The following RHOBTB2 variants were observed in gnomAD, a reference collection of about 807,000 sequenced individuals.
The protein encoded by RHOBTB2 is rho-related BTB domain-containing protein 2.
RHOBTB2 carries 39 observed loss-of-function variants against 66.5 expected under a neutral mutation model. The observed-to-expected ratio is 0.59, with a 90% CI of 0.45 to 0.77. The LOEUF (loss-of-function observed/expected upper bound fraction) is 0.77, where lower values mean the gene tolerates loss of function less well. Among genes scored for constraint, RHOBTB2 ranks in the 30% least tolerant of loss-of-function variants. The pLI is 0.00. For missense variants in RHOBTB2, 755 were observed against 999.1 expected, an observed-to-expected ratio of 0.76 and a Z score of 3.29; for synonymous variants, 390 against 395.0, an observed-to-expected ratio of 0.99 and a Z score of 0.15.
At chr8:23,007,901 T>A (rs896165019) in intron 5 of RHOBTB2, 92 bp from the exon 6 acceptor site, 3 of 1,485,288 alleles carry the variant, frequency 2.0e-6, no homozygotes, top group Non-Finnish European at 2.8e-6. Context: ...GCCCCGAATC[T>A]TCTGGGTTCA....
chr8:22,995,918 C>T (rs370771020), upstream of RHOBTB2: 182 of 1,546,848 alleles, frequency 1.2e-4, no homozygotes, highest in Non-Finnish European at 1.5e-4. Flanking sequence ...GGTAAAGCTG[C>T]CTGTGAAGCA....
At chr8:22,973,165 C>T in the RHOBTB2 span, among the ~76,000 whole-genome samples, 1 of 152,202 alleles carries the variant, frequency 6.6e-6, no homozygotes, top group Non-Finnish European at 1.5e-5. Flanking sequence ...CCTGTGCTCA[C>T]CTCTCCTGGC....
chr8:22,971,059 T>C, the RHOBTB2 span, among the ~76,000 whole-genome samples: 1 of 152,184 alleles, frequency 6.6e-6, no homozygotes, highest in Non-Finnish European at 1.5e-5. Context: ...ATCCTCCATC[T>C]TCCTCCCAAC....
At position 23,007,154 on chromosome 8, in the gene RHOBTB2, G is replaced by T. The variant is rs754324313; in HGVS notation, c.909G>T (p.Gly303=). 6.2e-7 allele frequency: 1 copy of T among 1,606,360 alleles called. No individual in the cohort carries two copies. Among genetic ancestry groups the T allele is most frequent in the Admixed American group, 1.7e-5 (1 of 59,912 alleles). Residue 303 remains glycine, a synonymous_variant, in exon 5 of 10, where the codon GGG becomes GGT. Coordinates refer to ENST00000251822, the MANE Select transcript of RHOBTB2 (RefSeq NM_015178.3). ...TGTTCCTCATGGACCTGAGTGAGGG[G>T]GAGCTGGGGGGCCCCTCGGAGCCAG... is the stretch of plus-strand genomic sequence containing the variant. ...YDLFLMDLSE[G]ELGGPSEPGG...
intron 7 of RHOBTB2, 118 bp from the exon 8 acceptor site, chr8:23,014,572 T>G: frequency 1.1e-6 from 1 of 884,530 alleles, no homozygotes; most frequent in Non-Finnish European, 1.8e-6. Flanking sequence ...TCCTGGCCTG[T>G]CCGGACCTGC....
At chr8:22,996,532 TG>T (rs1810566864), upstream of RHOBTB2, among the ~76,000 whole-genome samples, 1 of 142,904 alleles carries the variant, frequency 7.0e-6, no homozygotes, top group Non-Finnish European at 1.5e-5. Flanking sequence ...TGTGTGTGTG[TG>T]TGTGTGTGTG....
At chr8:23,013,558 T>C (rs1220697899) in intron 7 of RHOBTB2, among the ~76,000 whole-genome samples, 1 of 151,962 alleles carries the variant, frequency 6.6e-6, no homozygotes, top group Non-Finnish European at 1.5e-5. Flanking sequence ...TATAGTGATG[T>C]GATCTCGGCT....
the RHOBTB2 span, among the ~76,000 whole-genome samples, chr8:22,979,576 A>AT: frequency 6.6e-6 from 1 of 151,222 alleles, no homozygotes; most frequent in Non-Finnish European, 1.5e-5. Flanking sequence ...TTTTTTCTTC[A>AT]TTTTTTCCCC....
Position 23,007,344 on chromosome 8 carries a change from A to G in RHOBTB2, c.1099A>G (p.Ser367Gly), listed in dbSNP as rs1563292121. 10 of 1,613,742 alleles carry G rather than the reference A, an allele frequency of 6.2e-6. No individual in the cohort carries two copies. The South Asian group carries it at 1.1e-4, about 18-fold the overall frequency. ...TCCTGCTGGCCTCCGTGCTTCCACCAGCGACGGGATCTTACGGGGCAACGG... is the reference window on the plus strand; with the variant it reads ...TCCTGCTGGCCTCCGTGCTTCCACCGGCGACGGGATCTTACGGGGCAACGG... The part of the protein sequence containing the change: ...SGPAGLRAST[S>G]DGILRGNGTG... Residue 367 changes from serine to glycine, a missense_variant, in exon 5 of 10, where the codon AGC becomes GGC. Physicochemically the swap from Ser to Gly is moderately conservative, Grantham distance 56. Around this residue, in one of 7 missense-constraint regions of RHOBTB2, gnomAD observed 247 missense variants for 238.9 expected, o/e 1.03. Transcript: ENST00000251822.
the RHOBTB2 span, among the ~76,000 whole-genome samples, chr8:22,966,597 A>G: frequency 6.6e-6 from 1 of 151,976 alleles, no homozygotes; most frequent in Non-Finnish European, 1.5e-5. Context: ...CCTAGGCAAC[A>G]CAGCAAAACC....
chr8:22,952,194 C>T, the RHOBTB2 span, among the ~76,000 whole-genome samples: 1 of 152,106 alleles, frequency 6.6e-6, no homozygotes. Flanking sequence ...TGCCCTTGAC[C>T]CAACTCTGTC....
chr8:22,981,431 C>A, the RHOBTB2 span, among the ~76,000 whole-genome samples: 1 of 152,222 alleles, frequency 6.6e-6, no homozygotes, highest in African/African-American at 2.4e-5. Flanking sequence ...GGCTACTGCT[C>A]TTCTGTACTT....
chr8:23,000,606 C>T (rs780207301), intron 1 of RHOBTB2, among the ~76,000 whole-genome samples: 6 of 152,090 alleles, frequency 3.9e-5, no homozygotes, highest in Non-Finnish European at 8.8e-5. Context: ...TTTGAGGGGG[C>T]TTATCTGTGT....
At chr8:22,990,535 A>G (rs1357862326) in intron 1 of RHOBTB2, among the ~76,000 whole-genome samples, 2 of 152,162 alleles carry the variant, frequency 1.3e-5, no homozygotes, top group African/African-American at 4.8e-5. Flanking sequence ...CACTCTAGGG[A>G]GACTCTCCCC....
chr8:22,970,799 G>T, the RHOBTB2 span, among the ~76,000 whole-genome samples: 1 of 152,078 alleles, frequency 6.6e-6, no homozygotes, highest in Admixed American at 6.6e-5. Context: ...CATACTCTAT[G>T]TTCTCGTTTA....
chr8:23,004,338 TG>T lies in RHOBTB2; in HGVS notation c.-10-85del. 8.6e-7 allele frequency: 1 copy of T among 1,163,776 alleles called. No homozygotes were observed. The highest frequency in any genetic ancestry group is 1.3e-6 in the Non-Finnish European group (1 of 783,534). The allele number at this position is 1,163,776 out of a possible 1,614,324, so 72.1% of individuals were successfully genotyped here. On this transcript the variant is annotated intron_variant, in intron 1 of 9. Transcript: ENST00000251822. This position sits in a 1 kb window ranked among gnomAD's most constrained non-coding sequence, Gnocchi z 6.4. ...TCCGGGGCTTGCAGAGGGGGCAGCCTGGCTGAGGAGAGCTGCGGGTGCTGGC... is the reference window on the plus strand; with the variant it reads ...TCCGGGGCTTGCAGAGGGGGCAGCCTGCTGAGGAGAGCTGCGGGTGCTGGC...
chr8:22,965,892 AAGAC>A, the RHOBTB2 span, among the ~76,000 whole-genome samples: 1 of 152,328 alleles, frequency 6.6e-6, no homozygotes, highest in South Asian at 2.1e-4. Context: ...TGACATAAAA[AAGAC>A]AGACAACAAT....
upstream of RHOBTB2, among the ~76,000 whole-genome samples, chr8:22,985,716 C>T (rs1189188147): frequency 5.3e-5 from 8 of 152,334 alleles, 1 homozygote; most frequent in Admixed American, 4.6e-4. Context: ...CCAGCCAGAC[C>T]TGCCTGATGA....
the RHOBTB2 span, among the ~76,000 whole-genome samples, chr8:22,954,357 A>G: frequency 2.0e-5 from 3 of 152,136 alleles, no homozygotes; most frequent in Admixed American, 2.0e-4. Flanking sequence ...TTGTTTTTTA[A>G]CGTATGTATA....
Sources: gnomAD v4.1 joint callset for allele counts (sites outside exome capture counted in the v4.1 genomes callset) on GRCh38, gnomAD v4.1.1 for gene constraint, gnomAD v4.1.1 regional missense constraint, Gnocchi (gnomAD v3.1) non-coding constraint, MANE v1.5 for transcripts, NCBI Gene and HGNC (gene_info 2026-07-23, HGNC 2026-07-21) for gene names.